The following TTC39B variants were observed in gnomAD, a reference collection of about 807,000 sequenced individuals.
The protein encoded by TTC39B is tetratricopeptide repeat domain 39B.
TTC39B carries 92 observed loss-of-function variants against 96.6 expected under a neutral mutation model. That is an observed-to-expected ratio of 0.95 (90% CI 0.80 to 1.13). TTC39B has a LOEUF of 1.13. TTC39B is among the 50% of genes most tolerant of loss of function. TTC39B has a pLI of 0.00. For missense variants in TTC39B, 955 were observed against 809.3 expected (o/e 1.18, Z -2.18); for synonymous variants, 367 against 299.4 (o/e 1.23, Z -2.33).
intron 13 of TTC39B, among the ~76,000 whole-genome samples, chr9:15,188,483 T>C (rs1818664674): frequency 1.3e-5 from 2 of 152,216 alleles, no homozygotes; most frequent in African/African-American, 4.8e-5. Flanking sequence ...AGGAAGAAGA[T>C]GTCACTATCT....
At chr9:15,236,409 G>C (rs1409786072) in intron 2 of TTC39B, among the ~76,000 whole-genome samples, 1 of 152,172 alleles carries the variant, frequency 6.6e-6, no homozygotes, top group Non-Finnish European at 1.5e-5. Flanking sequence ...TCACTAGACA[G>C]ATCATCGAGG....
At chr9:15,295,458 T>G (rs1229724150) in intron 1 of TTC39B, among the ~76,000 whole-genome samples, 1 of 152,234 alleles carries the variant, frequency 6.6e-6, no homozygotes, top group African/African-American at 2.4e-5. Context: ...TAACCCTGAT[T>G]CTGTGCCTAA....
At chr9:15,269,427 A>T (rs938145543) in intron 1 of TTC39B, among the ~76,000 whole-genome samples, 1 of 152,196 alleles carries the variant, frequency 6.6e-6, no homozygotes, top group African/African-American at 2.4e-5. Context: ...ATCACACCTC[A>T]TTTAGAGTTA....
At chr9:15,234,355 G>A (rs1199802849) in intron 2 of TTC39B, among the ~76,000 whole-genome samples, 2 of 147,272 alleles carry the variant, frequency 1.4e-5, no homozygotes, top group Non-Finnish European at 3.0e-5. Context: ...TGGCAGGGAG[G>A]TGGGGGGGTC....
exon 14 of TTC39B, chr9:15,188,055 T>C (rs777916444): frequency 6.1e-5 from 99 of 1,612,358 alleles, no homozygotes; most frequent in Non-Finnish European, 8.0e-5. Flanking sequence ...TAATCCACAT[T>C]AGCTCCCAGT....
intron 2 of TTC39B, among the ~76,000 whole-genome samples, chr9:15,235,855 A>C (rs1400160534): frequency 6.6e-6 from 1 of 152,238 alleles, no homozygotes; most frequent in Non-Finnish European, 1.5e-5. Context: ...CACCATCATA[A>C]AAGAACACGT....
chr9:15,199,248 A>G (rs1182919257), intron 8 of TTC39B, among the ~76,000 whole-genome samples: 1 of 152,248 alleles, frequency 6.6e-6, no homozygotes, highest in Admixed American at 6.5e-5. Context: ...TGAACCAAAG[A>G]TATTACTATA....
chr9:15,273,722 C>T (rs1167967025), intron 1 of TTC39B, among the ~76,000 whole-genome samples: 1 of 152,246 alleles, frequency 6.6e-6, no homozygotes, highest in African/African-American at 2.4e-5. Context: ...TCCCACCCAA[C>T]ATTCCATTCC....
intron 1 of TTC39B, among the ~76,000 whole-genome samples, chr9:15,271,671 G>C (rs926222608): frequency 6.6e-6 from 1 of 152,138 alleles, no homozygotes; most frequent in Non-Finnish European, 1.5e-5. Flanking sequence ...ACAGGCTACA[G>C]ACCAGTACCA....
At chr9:15,218,452 A>G (rs1328837740) in intron 3 of TTC39B, among the ~76,000 whole-genome samples, 1 of 152,090 alleles carries the variant, frequency 6.6e-6, no homozygotes, top group East Asian at 1.9e-4. Context: ...TATGCAAGTT[A>G]ACAACCATGT....
At chr9:15,167,030 T>A (rs2761128) in exon 20 of TTC39B, 128 of 14,412 alleles carry the variant, frequency 8.9e-3, no homozygotes, top group Non-Finnish European at 0.013. Context: ...ATATATATAT[T>A]TTTTTTTTTT....
intron 2 of TTC39B, among the ~76,000 whole-genome samples, chr9:15,260,302 A>G (rs1822899374): frequency 6.6e-6 from 1 of 150,964 alleles, no homozygotes; most frequent in African/African-American, 2.4e-5. Flanking sequence ...CTTCCTTAGG[A>G]ATATATAAGA....
chr9:15,263,191 G>A (rs1434548276), intron 2 of TTC39B, among the ~76,000 whole-genome samples: 1 of 152,080 alleles, frequency 6.6e-6, no homozygotes, highest in Non-Finnish European at 1.5e-5. Flanking sequence ...TTCATATATA[G>A]ACATTTTATG....
Position 15,207,955 on chromosome 9 carries a change from G to A in TTC39B, c.691+2133C>T, listed in dbSNP as rs573748806. Among the ~76,000 whole-genome samples the A allele has an allele frequency of 2.2e-5, 3 of 134,162 alleles. No individual in the cohort carries two copies. The East Asian group carries it at 6.6e-4, about 30-fold the overall frequency. 88.0% of individuals were successfully genotyped at this position (134,162 alleles called of 152,430 possible). A position where few individuals can be genotyped will look rare whatever the true frequency, so the allele number is the denominator to read the frequency against. The stretch of plus-strand genomic sequence containing the variant: ...GCTGAGATCATGCCACTGCACTCCA[G>A]CCTGGGCAACAGAGTGAGACTTGGT... On this transcript the variant is annotated intron_variant, in intron 6 of 19. Transcript: ENST00000512701.
chr9:15,177,546 GAAC>G (rs1175653287), intron 18 of TTC39B, 148 bp downstream of exon 18: 14 of 548,640 alleles, frequency 2.6e-5, no homozygotes, highest in East Asian at 5.9e-5. Context: ...TCACGAGGAA[GAAC>G]AACAACAACA....
intron 4 of TTC39B, among the ~76,000 whole-genome samples, chr9:15,212,449 G>C (rs796386782): frequency 4.0e-5 from 6 of 151,468 alleles, no homozygotes; most frequent in African/African-American, 1.5e-4. Context: ...TTTTGAGACA[G>C]AGCTTCGCTC....
chr9:15,229,203 T>C (rs1821292395), intron 2 of TTC39B, among the ~76,000 whole-genome samples: 1 of 152,232 alleles, frequency 6.6e-6, no homozygotes, highest in Admixed American at 6.5e-5. Flanking sequence ...AATCCATTTT[T>C]GTGTACAGTC....
At chr9:15,288,400 A>G (rs1228278194) in intron 1 of TTC39B, among the ~76,000 whole-genome samples, 1 of 152,214 alleles carries the variant, frequency 6.6e-6, no homozygotes, top group African/African-American at 2.4e-5. Flanking sequence ...GAAGAGCAGA[A>G]GAATGGCAGA....
intron 1 of TTC39B, among the ~76,000 whole-genome samples, chr9:15,302,484 GCACATGCATCACGC>G (rs1824628007): frequency 7.6e-6 from 1 of 130,974 alleles, no homozygotes; most frequent in African/African-American, 2.8e-5. Flanking sequence ...GGGTGTGGTG[GCACATGCATCACGC>G]CACTGCACTC....
Sources: allele counts gnomAD v4.1 joint callset (sites outside exome capture counted in the v4.1 genomes callset), GRCh38; gene constraint gnomAD v4.1.1; transcripts MANE v1.5; gene names NCBI Gene and HGNC (gene_info 2026-07-23, HGNC 2026-07-21).